SYNM: variants seen among roughly 807,000 people sequenced by gnomAD.
The protein encoded by SYNM is desmuslin.
In SYNM, 95 loss-of-function variants were observed where a neutral mutation model predicts 104.0. The observed-to-expected ratio is 0.91, with a 90% CI of 0.77 to 1.08. The LOEUF (loss-of-function observed/expected upper bound fraction) is 1.08, where lower values mean the gene tolerates loss of function less well. SYNM is among the 50% of genes least tolerant of loss of function. The pLI is 0.00. For missense variants in SYNM, 2,150 were observed against 2,052.2 expected, an observed-to-expected ratio of 1.05 and a Z score of -0.92; for synonymous variants, 918 against 869.0, an observed-to-expected ratio of 1.06 and a Z score of -0.99.
intron 1 of SYNM, among the ~76,000 whole-genome samples, chr15:99,109,176 G>A (rs1172157597): frequency 2.0e-5 from 3 of 152,118 alleles, no homozygotes; most frequent in Non-Finnish European, 2.9e-5. Flanking sequence ...CGCCTTCACT[G>A]TATGAGGCGG....
chr15:99,132,331 T>G lies in SYNM; in HGVS notation c.3971T>G (p.Ile1324Arg). The G allele has an allele frequency of 6.2e-7, 1 of 1,613,084 alleles. No individual in the cohort carries two copies. Among genetic ancestry groups the G allele is most frequent in the Non-Finnish European group, 8.5e-7 (1 of 1,179,128 alleles). The change falls in exon 4 of 4, where the codon ATA becomes AGA. Residue 1324 changes from isoleucine (I) to arginine (R), a missense_variant. Coordinates refer to ENST00000336292, the MANE Select transcript of SYNM (RefSeq NM_145728.3). ...GPQRHQTTQQ[I>R]VYHGLVPQLG... ...CAGAGGCATCAGACCACCCAGCAGA[T>G]AGTTTACCATGGGCTGGTTCCCCAA...
chr15:99,112,900 A>G (rs1007342072), intron 1 of SYNM, among the ~76,000 whole-genome samples: 5 of 152,178 alleles, frequency 3.3e-5, no homozygotes, highest in Non-Finnish European at 4.4e-5. Context: ...CAGTAGAGAC[A>G]GGGTTTTGCC....
At chr15:99,116,702 C>G (rs1418025125) in intron 2 of SYNM, among the ~76,000 whole-genome samples, 1 of 142,230 alleles carries the variant, frequency 7.0e-6, no homozygotes, top group East Asian at 2.3e-4. Context: ...GAGTCTCACT[C>G]TGTCACCCAG....
chr15:99,115,183 T>C (rs2067336107), intron 2 of SYNM, among the ~76,000 whole-genome samples: 3 of 152,156 alleles, frequency 2.0e-5, no homozygotes, highest in African/African-American at 4.8e-5. Flanking sequence ...GTTCCCAGGA[T>C]TGTGGAACAT....
At chr15:99,108,128 C>T (rs1249995608) in intron 1 of SYNM, among the ~76,000 whole-genome samples, 9 of 151,914 alleles carry the variant, frequency 5.9e-5, no homozygotes, top group African/African-American at 2.2e-4. Context: ...GATCCCACCA[C>T]CCCGCCTGGC....
rs2067477795 is a variant in SYNM at position 99,129,544 on chromosome 15, G to C, written c.1184G>C (p.Arg395Thr). Residue 395 changes from arginine to threonine, a missense_variant, in exon 4 of 4, where the codon AGA becomes ACA. By Grantham distance (71) the Arg-to-Thr change is moderately conservative (BLOSUM62 -1). Transcript: ENST00000336292. ...QTGTSIGGDA[R>T]RGFLGSGYSS... Reference sequence around the variant, plus strand: ...GGCACATCTATTGGAGGTGATGCCAGAAGAGGCTTCTTGGGCTCGGGATAT... The same window carrying C: ...GGCACATCTATTGGAGGTGATGCCACAAGAGGCTTCTTGGGCTCGGGATAT... 6.2e-7 allele frequency: 1 copy of C among 1,613,900 alleles called. No individual in the cohort carries two copies. The highest frequency in any genetic ancestry group is 1.3e-5 in the African/African-American group (1 of 74,924).
At position 99,131,536 on chromosome 15, in the gene SYNM, C is replaced by G. The variant is rs5030697; in HGVS notation, c.3176C>G (p.Pro1059Arg). 6.2e-7 allele frequency: 1 copy of G among 1,607,914 alleles called. No individual in the cohort carries two copies. The change falls in exon 4 of 4, where the codon CCG becomes CGG. Residue 1059 changes from proline to arginine, a missense_variant. Transcript: ENST00000336292. This position sits in a 1 kb window ranked among gnomAD's most constrained non-coding sequence, Gnocchi z 4.3. ...SPDEEGGAEA[P>R]AAGIRFRRWA... The stretch of plus-strand genomic sequence containing the variant: ...GATGAGGAAGGTGGAGCGGAGGCCC[C>G]GGCTGCTGGCATTCGCTTTAGGCGT...
In SYNM at chr15:99,130,287, G is replaced by A. The variant is rs782221876; in HGVS notation, c.1927G>A (p.Val643Ile). 3.3e-5 allele frequency: 54 copies of A among 1,613,788 alleles called. No individual in the cohort carries two copies. The highest frequency in any genetic ancestry group is 2.5e-5 in the Non-Finnish European group (30 of 1,179,878). Residue 643 changes from valine (V) to isoleucine (I), a missense_variant, in exon 4 of 4, where the codon GTT becomes ATT. Val to Ile is a conservative substitution (Grantham distance 29). Coordinates refer to ENST00000336292, the MANE Select transcript of SYNM (RefSeq NM_145728.3). ...SMTETVAENIVTSILKQFTQS... is the reference protein window; with the variant it reads ...SMTETVAENIITSILKQFTQS... ...GACAGAAACCGTAGCAGAAAACATCGTTACCAGTATCCTGAAGCAGTTCAC... is the reference window on the plus strand; with the variant it reads ...GACAGAAACCGTAGCAGAAAACATCATTACCAGTATCCTGAAGCAGTTCAC...
At chr15:99,125,645 C>T (rs2151806838) in intron 2 of SYNM, among the ~76,000 whole-genome samples, 1 of 152,362 alleles carries the variant, frequency 6.6e-6, no homozygotes, top group Non-Finnish European at 1.5e-5. Context: ...GCTGCCAAGT[C>T]CCTGCTCGGG....
downstream of SYNM, among the ~76,000 whole-genome samples, chr15:99,136,089 A>G (rs918708442): frequency 1.3e-5 from 2 of 152,260 alleles, no homozygotes; most frequent in African/African-American, 2.4e-5. Flanking sequence ...GAATAGCTAG[A>G]TATCTTTACC....
In SYNM at chr15:99,131,296, C is replaced by T. The variant is rs782585812; in HGVS notation, c.2936C>T (p.Pro979Leu). The T allele has an allele frequency of 1.7e-5, 26 of 1,525,916 alleles. No individual in the cohort carries two copies. The highest frequency in any genetic ancestry group is 5.1e-5 in the Admixed American group (3 of 59,002). 94.5% of individuals were successfully genotyped at this position (1,525,916 alleles called of 1,614,324 possible). The change falls in exon 4 of 4, where the codon CCG (proline) becomes CTG (leucine). Residue 979 changes from proline to leucine, a missense_variant. Coordinates refer to ENST00000336292, the MANE Select transcript of SYNM (RefSeq NM_145728.3). This position sits in a 1 kb window ranked among gnomAD's most constrained non-coding sequence, Gnocchi z 4.3. ...CTCACCAGAGAGGGGCAGGGTGGGC[C>T]GGGGAGCGTTTCCGTGGATGTCAAG... ...SALTREGQGG[P>L]GSVSVDVKKV... is the part of the protein sequence containing the mutation.
At position 99,130,838 on chromosome 15, in the gene SYNM, C is replaced by T. The variant is rs377460684; in HGVS notation, c.2478C>T (p.Gly826=). 9.9e-6 allele frequency: 16 copies of T among 1,613,802 alleles called. No individual in the cohort carries two copies. The highest frequency in any genetic ancestry group is 8.0e-5 in the African/African-American group (6 of 74,878). ...TGACAGAGGCAGGTGATTCAGAGGGCGAGCAGAGTTATTTTGTGTCCACTC... is the reference window on the plus strand; with the variant it reads ...TGACAGAGGCAGGTGATTCAGAGGGTGAGCAGAGTTATTTTGTGTCCACTC... The part of the protein sequence containing the change: ...EEVTEAGDSE[G]EQSYFVSTPD... The change falls in exon 4 of 4, where the codon GGC becomes GGT. Residue 826 remains glycine (G), a synonymous_variant. Transcript: ENST00000336292.
chr15:99,135,988 T>A (rs2067575905), downstream of SYNM, among the ~76,000 whole-genome samples: 1 of 152,214 alleles, frequency 6.6e-6, no homozygotes, highest in African/African-American at 2.4e-5. Context: ...CCAGGACAGT[T>A]GGTTACCTTA....
At chr15:99,121,480 C>G (rs1466082463) in intron 2 of SYNM, among the ~76,000 whole-genome samples, 1 of 152,102 alleles carries the variant, frequency 6.6e-6, no homozygotes, top group African/African-American at 2.4e-5. Flanking sequence ...ATGAGAGACA[C>G]GTGCCGCTGT....
In SYNM at chr15:99,105,319, G is replaced by A; in HGVS notation, c.120G>A (p.Glu40=). 3 of 1,544,896 alleles carry A rather than the reference G, an allele frequency of 1.9e-6. No homozygotes were observed. Among genetic ancestry groups the A allele is most frequent in the African/African-American group, 1.4e-5 (1 of 72,832 alleles). Residue 40 remains glutamate (E), a synonymous_variant, in exon 1 of 4, where the codon GAG becomes GAA. Transcript: ENST00000336292. ...TGGAGCGCGAAAACCTACTCCTGGA[G>A]GAGGAGCTGCGCGGCCGGCGCGGGC... is the stretch of plus-strand genomic sequence containing the variant. ...RELERENLLL[E]EELRGRRGRE...
At chr15:99,114,324 G>A (rs868917632) in intron 2 of SYNM, among the ~76,000 whole-genome samples, 1 of 152,022 alleles carries the variant, frequency 6.6e-6, no homozygotes, top group Non-Finnish European at 1.5e-5. Flanking sequence ...GATCTCATGA[G>A]AACTCACTCC....
chr15:99,115,322 T>TC (rs1256371341), intron 2 of SYNM, among the ~76,000 whole-genome samples: 1 of 151,958 alleles, frequency 6.6e-6, no homozygotes, highest in Non-Finnish European at 1.5e-5. Context: ...GGGGACCAAC[T>TC]CCCCTGGTGA....
At chr15:99,123,000 T>C (rs565893962) in intron 2 of SYNM, among the ~76,000 whole-genome samples, 26 of 152,328 alleles carry the variant, frequency 1.7e-4, no homozygotes, top group Non-Finnish European at 2.1e-4. Context: ...CAGTTTTCTT[T>C]GGAGGATGTA....
At position 99,132,895 on chromosome 15, in the gene SYNM, G is replaced by C. The variant is rs144209117; in HGVS notation, c.4535G>C (p.Gly1512Ala). 12 of 1,613,922 alleles carry C rather than the reference G, an allele frequency of 7.4e-6. No individual in the cohort carries two copies. Among genetic ancestry groups the C allele is most frequent in the Non-Finnish European group, 1.0e-5 (12 of 1,179,874 alleles). ...AGCTTTAAGGCCTCTGCTGGGGAAG[G>C]AGACCAGGCCCACAGAGAACAGGGC... Reference protein sequence around the residue: ...GVSFKASAGEGDQAHREQGKE... With the variant: ...GVSFKASAGEADQAHREQGKE... The change falls in exon 4 of 4, where the codon GGA becomes GCA. Residue 1512 changes from glycine (G) to alanine (A), a missense_variant. By Grantham distance (60) the Gly-to-Ala change is moderately conservative. Coordinates refer to ENST00000336292, the MANE Select transcript of SYNM (RefSeq NM_145728.3).
Sources: gnomAD v4.1 joint callset for allele counts (sites outside exome capture counted in the v4.1 genomes callset) on GRCh38, gnomAD v4.1.1 for gene constraint, Gnocchi (gnomAD v3.1) non-coding constraint, MANE v1.5 for transcripts, NCBI Gene and HGNC (gene_info 2026-07-23, HGNC 2026-07-21) for gene names.